Variants in NBPF3 observed in about 807,000 individuals in gnomAD.
NBPF3 encodes the protein NBPF member 3, also known as NBPF family member NBPF3.
NBPF3 carries 57 observed loss-of-function variants against 78.1 expected under a neutral mutation model. The ratio of observed to expected loss-of-function variants is 0.73; its 90% CI spans 0.59 to 0.91. The LOEUF (loss-of-function observed/expected upper bound fraction) is 0.91. Ranked by LOEUF, NBPF3 falls within the 40% of genes least tolerant of loss-of-function variation. The probability of loss-of-function intolerance (pLI) is 0.00; values close to 1 mark genes in which losing one functional copy is unlikely to be tolerated. For synonymous variants in NBPF3, 182 were observed against 271.7 expected (o/e 0.67, Z 3.25); for missense variants, 510 against 715.3 (o/e 0.71, Z 3.27).
chr1:21,454,859 C>A (rs1462362664), intron 2 of NBPF3, among the ~76,000 whole-genome samples: 2 of 152,184 alleles, frequency 1.3e-5, no homozygotes, highest in East Asian at 3.8e-4. Flanking sequence ...CTTGCAGTGT[C>A]CACAGATCAG....
chr1:21,473,836 A>G (rs1642743981), intron 7 of NBPF3, among the ~76,000 whole-genome samples: 2 of 152,204 alleles, frequency 1.3e-5, no homozygotes, highest in African/African-American at 4.8e-5. Flanking sequence ...GTACACAGGA[A>G]GTATCTGTGA....
At chr1:21,437,393 G>A, upstream of NBPF3, 4 of 925,022 alleles carry the variant, frequency 4.3e-6, no homozygotes, top group East Asian at 3.2e-5. Flanking sequence ...ACATTGGGGA[G>A]TGGAATCCTG....
At chr1:21,455,353 A>G (rs1029139606) in intron 2 of NBPF3, among the ~76,000 whole-genome samples, 26 of 152,244 alleles carry the variant, frequency 1.7e-4, no homozygotes, top group Non-Finnish European at 8.8e-5. Flanking sequence ...AAGTGATTAT[A>G]TAAGAGCAAA....
intron 1 of NBPF3, among the ~76,000 whole-genome samples, chr1:21,442,676 T>A (rs893162889): frequency 6.6e-6 from 1 of 151,768 alleles, no homozygotes; most frequent in African/African-American, 2.4e-5. Flanking sequence ...TGCATTTTTT[T>A]TTTTTCAGAC....
rs753886166 is a variant in NBPF3, at chr1:21,445,173, A to G, written c.87A>G (p.Ala29=). ...CTTCCCCATTCGGTGCACCAAGAGC[A>G]GCCTCACATGGTGTGGGCCGACATC... is the stretch of plus-strand genomic sequence containing the variant. ...VETSPFGAPR[A]ASHGVGRHQE... is the part of the protein sequence containing the mutation. The change falls in exon 2 of 15, where the codon GCA becomes GCG. Residue 29 remains alanine (A), a synonymous_variant. Transcript: ENST00000318249. 1 of 1,611,828 alleles carries G rather than the reference A, an allele frequency of 6.2e-7. No homozygotes were observed. Among genetic ancestry groups the G allele is most frequent in the African/African-American group, 1.3e-5 (1 of 74,838 alleles).
chr1:21,443,082 C>T lies in NBPF3; in HGVS notation c.-139-1866C>T, dbSNP rs995660093. 1.1e-4 allele frequency among the ~76,000 whole-genome samples: 17 copies of T among 152,150 alleles called. 1 individual carries two copies. The highest frequency in any genetic ancestry group is 4.1e-4 in the African/African-American group (17 of 41,450). On this transcript the variant is annotated intron_variant, in intron 1 of 14. Transcript: ENST00000318249. ...TTCATAAATCGATTGACTGTATGGTCATCTGATTTATGAAATTAGTGTGGG... is the reference window on the plus strand; with the variant it reads ...TTCATAAATCGATTGACTGTATGGTTATCTGATTTATGAAATTAGTGTGGG...
In NBPF3 at chr1:21,460,316, T is replaced by C. The variant is rs1641880131; in HGVS notation, c.134-8372T>C. Among the ~76,000 whole-genome samples the C allele has an allele frequency of 6.6e-6, 1 of 152,218 alleles. No homozygotes were observed. ...GTGTACATGTGCCATGTTGGTTTGC[T>C]GCACCCATTAACTCGTCATTTACAT... On this transcript the variant is annotated intron_variant, in intron 2 of 14. Transcript: ENST00000318249. The surrounding 1 kb of genome is among the most constrained non-coding windows in gnomAD (Gnocchi z 4.2).
chr1:21,459,302 T>C (rs1244077009), intron 2 of NBPF3, among the ~76,000 whole-genome samples: 1 of 152,236 alleles, frequency 6.6e-6, no homozygotes, highest in African/African-American at 2.4e-5. Flanking sequence ...TCTGCTAGAC[T>C]TCAAACCTGA....
At chr1:21,471,004 T>C (rs538079175) in intron 4 of NBPF3, among the ~76,000 whole-genome samples, 2 of 152,168 alleles carry the variant, frequency 1.3e-5, no homozygotes, top group Non-Finnish European at 2.9e-5. Flanking sequence ...ACCGAAGGAG[T>C]GGGAACCACC....
chr1:21,440,374 G>C (rs531467704), intron 1 of NBPF3, 26 bp downstream of exon 1: 1 of 152,006 alleles, frequency 6.6e-6, no homozygotes, highest in East Asian at 1.9e-4. Context: ...CAGGCTGGAC[G>C]GGCGGTGAAT....
chr1:21,437,534 T>TGCTGGGGAGGTCTGA, upstream of NBPF3: 1 of 1,387,998 alleles, frequency 7.2e-7, no homozygotes, highest in Non-Finnish European at 9.6e-7. Flanking sequence ...CCTGAGCAGG[T>TGCTGGGGAGGTCTGA]GCTGGGGAGG....
At position 21,480,066 on chromosome 1, in the gene NBPF3, G is replaced by A. The variant is rs563018591; in HGVS notation, c.1224G>A (p.Leu408=). 8 of 1,193,258 alleles carry A rather than the reference G, an allele frequency of 6.7e-6. 1 individual carries two copies. In the African/African-American group the frequency reaches 9.8e-5, roughly 15 times the overall value. 73.9% of individuals were successfully genotyped at this position (1,193,258 alleles called of 1,614,324 possible). ...ACTTTTCCAGGCTCAGCAGGGAGCTGCTGGATGAGAAAGAGCCTGAAGTCT... is the reference window on the plus strand; with the variant it reads ...ACTTTTCCAGGCTCAGCAGGGAGCTACTGGATGAGAAAGAGCCTGAAGTCT... ...EATSPRLSRE[L]LDEKEPEVLQ... The change falls in exon 11 of 15, where the codon CTG becomes CTA. Residue 408 remains leucine, a synonymous_variant. Transcript: ENST00000318249.
intron 2 of NBPF3, among the ~76,000 whole-genome samples, chr1:21,451,517 C>T (rs562857949): frequency 2.0e-5 from 3 of 152,332 alleles, no homozygotes; most frequent in African/African-American, 4.8e-5. Flanking sequence ...TAACTGGAGA[C>T]AGGCTGATGA....
intron 2 of NBPF3, among the ~76,000 whole-genome samples, chr1:21,459,503 A>G (rs1443599752): frequency 1.3e-5 from 2 of 152,156 alleles, no homozygotes; most frequent in Admixed American, 6.5e-5. Flanking sequence ...GGGTAGAGGA[A>G]GGTGTCTGTC....
At chr1:21,468,434 A>G in intron 2 of NBPF3, 1 of 1,374,118 alleles carries the variant, frequency 7.3e-7, no homozygotes, top group Non-Finnish European at 9.4e-7. Context: ...TGTTATTGCA[A>G]CTGCAGACCG....
chr1:21,438,215 C>G (rs146944817), upstream of NBPF3, among the ~76,000 whole-genome samples: 4,600 of 151,922 alleles, frequency 0.03, 94 homozygotes, highest in Middle Eastern at 0.055. Context: ...TGGGTTCAAG[C>G]AATTCTCCTG....
At chr1:21,456,168 A>C (rs773683263) in intron 2 of NBPF3, among the ~76,000 whole-genome samples, 3 of 152,222 alleles carry the variant, frequency 2.0e-5, no homozygotes, top group Admixed American at 2.0e-4. Context: ...ACCAGTCCAC[A>C]TAAGTCCAAA....
chr1:21,469,732 CAG>C (rs764268037), intron 3 of NBPF3, among the ~76,000 whole-genome samples: 17 of 152,094 alleles, frequency 1.1e-4, no homozygotes, highest in Non-Finnish European at 2.1e-4. Flanking sequence ...AAAAGAAAAG[CAG>C]AGAGTACCCG....
chr1:21,482,138 T>C (rs1055912475), intron 13 of NBPF3, among the ~76,000 whole-genome samples: 2 of 150,842 alleles, frequency 1.3e-5, no homozygotes, highest in African/African-American at 4.9e-5. Context: ...ATCTGAGTAT[T>C]TGATGAGACA....
Sources: allele counts gnomAD v4.1 joint callset (sites outside exome capture counted in the v4.1 genomes callset), GRCh38; gene constraint gnomAD v4.1.1; non-coding constraint Gnocchi (gnomAD v3.1); transcripts MANE v1.5; gene names NCBI Gene and HGNC (gene_info 2026-07-23, HGNC 2026-07-21).